The following POM121C variants were observed in gnomAD, a reference collection of about 807,000 sequenced individuals.
The protein encoded by POM121C is nuclear envelope pore membrane protein POM 121C.
A neutral mutation model predicts 66.4 loss-of-function variants in POM121C; 20 were observed. The observed-to-expected ratio is 0.30, with a 90% confidence interval of 0.21 to 0.44. POM121C has a LOEUF of 0.44. Among genes scored for constraint, POM121C ranks in the 20% least tolerant of loss-of-function variants. The pLI, the probability that POM121C is intolerant of heterozygous loss-of-function variation, is 1.00. For synonymous variants in POM121C, 286 were observed against 528.0 expected (o/e 0.54, Z 6.28); for missense variants, 580 against 1,225.7 (o/e 0.47, Z 7.87).
intron 1 of POM121C, among the ~76,000 whole-genome samples, chr7:75,485,192 T>C (rs1792474296): frequency 6.6e-6 from 1 of 152,124 alleles, no homozygotes; most frequent in Non-Finnish European, 1.5e-5. Context: ...AAATAAGCCA[T>C]AGGAATTGAG....
chr7:75,418,951 G>A (rs1789581003), intron 14 of POM121C, 58 bp from the exon 15 acceptor site: 2 of 1,526,190 alleles, frequency 1.3e-6, no homozygotes, highest in African/African-American at 2.8e-5. Context: ...TCTGGCTCTG[G>A]GTGCCCAAAT....
At chr7:75,446,747 C>T (rs1790823482) in intron 3 of POM121C, among the ~76,000 whole-genome samples, 2 of 152,188 alleles carry the variant, frequency 1.3e-5, no homozygotes, top group South Asian at 2.1e-4. Flanking sequence ...CGGTGGCTCA[C>T]GCCTGTAATC....
intron 7 of POM121C, among the ~76,000 whole-genome samples, chr7:75,432,723 G>C (rs1386427820): frequency 6.6e-6 from 1 of 152,152 alleles, no homozygotes; most frequent in African/African-American, 2.4e-5. Flanking sequence ...AAAGAGAAAA[G>C]AAGATGCTTT....
At chr7:75,473,340 C>T (rs1408027486) in intron 3 of POM121C, among the ~76,000 whole-genome samples, 16 of 151,926 alleles carry the variant, frequency 1.1e-4, no homozygotes, top group African/African-American at 3.9e-4. Flanking sequence ...AAAATGGGTT[C>T]TAAGAGGACA....
At chr7:75,476,915 G>A (rs1362425802) in intron 1 of POM121C, among the ~76,000 whole-genome samples, 2 of 151,860 alleles carry the variant, frequency 1.3e-5, no homozygotes, top group Non-Finnish European at 2.9e-5. Context: ...TATCCATGAA[G>A]ATACTTGAAA....
At chr7:75,468,168 A>G (rs1791742792) in intron 3 of POM121C, among the ~76,000 whole-genome samples, 1 of 150,740 alleles carries the variant, frequency 6.6e-6, no homozygotes, top group Non-Finnish European at 1.5e-5. Flanking sequence ...GAAAAGAAAA[A>G]GAAACGCAGA....
At chr7:75,459,944 C>CT (rs782367945) in intron 3 of POM121C, among the ~76,000 whole-genome samples, 2 of 144,172 alleles carry the variant, frequency 1.4e-5, no homozygotes, top group Non-Finnish European at 1.5e-5. Flanking sequence ...ATAATATAAT[C>CT]TCTACAGCCA....
chr7:75,468,221 C>CA (rs781939781), intron 3 of POM121C, among the ~76,000 whole-genome samples: 10 of 151,526 alleles, frequency 6.6e-5, no homozygotes, highest in Admixed American at 3.9e-4. Flanking sequence ...AGAACTCACC[C>CA]GCTCCAGTCG....
At chr7:75,435,377 G>T (rs1347930107) in intron 7 of POM121C, among the ~76,000 whole-genome samples, 1 of 151,842 alleles carries the variant, frequency 6.6e-6, no homozygotes, top group African/African-American at 2.4e-5. Flanking sequence ...GAACAACAAA[G>T]GATAATCAAA....
intron 3 of POM121C, chr7:75,442,288 G>A (rs1554474161): frequency 1.4e-6 from 2 of 1,449,348 alleles, no homozygotes; most frequent in Non-Finnish European, 1.8e-6. Flanking sequence ...TATTCCGCAG[G>A]TCCTGGCCCT....
chr7:75,421,981 C>T lies in POM121C; in HGVS notation c.2271G>A (p.Ala757=), dbSNP rs368484837. Residue 757 remains alanine, a synonymous_variant, in exon 13 of 15, where the codon GCG becomes GCA. Coordinates refer to ENST00000615331, the MANE Select transcript of POM121C (RefSeq NM_001099415.3). The part of the protein sequence containing the change: ...APASTIKIVP[A]HVPTPIQPTF... ...TAGGCTGGATGGGCGTAGGCACGTGCGCAGGCACGATCTTGATCGTGGACG... is the reference window on the plus strand; with the variant it reads ...TAGGCTGGATGGGCGTAGGCACGTGTGCAGGCACGATCTTGATCGTGGACG... 11 of 1,613,768 alleles carry T rather than the reference C, an allele frequency of 6.8e-6. No individual in the cohort carries two copies. Among genetic ancestry groups the T allele is most frequent in the South Asian group, 3.3e-5 (3 of 91,088 alleles).
rs374002794 is a variant in POM121C at position 75,455,897 on chromosome 7, A to G, written c.-151-14250T>C. On this transcript the variant is annotated intron_variant, in intron 3 of 14. Coordinates refer to ENST00000615331, the MANE Select transcript of POM121C (RefSeq NM_001099415.3). ...TGATCCCTCACATAGGATATGGTGC[A>G]TGGCGAGCACTCACTAAAGGTGTGC... Among the ~76,000 whole-genome samples the G allele has an allele frequency of 1.2e-3, 175 of 151,552 alleles. 2 individuals are homozygous for G. In the East Asian group the frequency reaches 0.014, roughly 12 times the overall value.
intron 6 of POM121C, 149 bp from the exon 7 acceptor site, chr7:75,437,835 G>T (rs1168867192): frequency 1.5e-6 from 2 of 1,353,512 alleles, no homozygotes; most frequent in African/African-American, 2.9e-5. Flanking sequence ...AAATCTATCT[G>T]ACAAAGTCAG....
intron 3 of POM121C, chr7:75,442,615 C>G (rs1790697577): frequency 1.3e-6 from 2 of 1,490,128 alleles, no homozygotes; most frequent in African/African-American, 2.9e-5. Flanking sequence ...GGCCGAGAAG[C>G]GCCGCCCCGG....
intron 6 of POM121C, 109 bp downstream of exon 6, chr7:75,439,035 G>A: frequency 8.2e-7 from 1 of 1,222,092 alleles, no homozygotes. Context: ...ACATGAACCT[G>A]AACTAATTAA....
intron 14 of POM121C, 113 bp downstream of exon 14, chr7:75,419,207 C>T: frequency 1.4e-6 from 2 of 1,449,154 alleles, no homozygotes; most frequent in South Asian, 1.5e-5. Flanking sequence ...CCCGAAATGT[C>T]TTTCCTGTGC....
intron 3 of POM121C, among the ~76,000 whole-genome samples, chr7:75,452,553 G>A (rs1395164838): frequency 2.6e-5 from 4 of 152,146 alleles, no homozygotes; most frequent in African/African-American, 4.8e-5. Flanking sequence ...CACTGATGAC[G>A]TATTCATGAC....
intron 3 of POM121C, chr7:75,442,683 G>A (rs782424601): frequency 1.7e-4 from 237 of 1,416,542 alleles, no homozygotes; most frequent in Middle Eastern, 2.5e-4. Context: ...GGCCGCCGCC[G>A]CTCGCCTGCT....
chr7:75,424,915 G>C, intron 10 of POM121C, 159 bp downstream of exon 10: 1 of 1,454,838 alleles, frequency 6.9e-7, no homozygotes, highest in Non-Finnish European at 9.1e-7. Flanking sequence ...AGCCAAAATC[G>C]AGCCACTGAA....
Sources: allele counts gnomAD v4.1 joint callset (sites outside exome capture counted in the v4.1 genomes callset), GRCh38; gene constraint gnomAD v4.1.1; transcripts MANE v1.5; gene names NCBI Gene and HGNC (gene_info 2026-07-23, HGNC 2026-07-21).